Variants in SCLT1 observed in about 807,000 individuals in gnomAD.
SCLT1 encodes sodium channel-associated protein 1.
In SCLT1, 78 loss-of-function variants were observed where a neutral mutation model predicts 112.8. That is an observed-to-expected ratio of 0.69 (90% CI 0.58 to 0.83). The LOEUF (loss-of-function observed/expected upper bound fraction) is 0.83. Among genes scored for constraint, SCLT1 ranks in the 40% least tolerant of loss-of-function variants. The probability of loss-of-function intolerance (pLI) is 0.00; values close to 1 mark genes in which losing one functional copy is unlikely to be tolerated. For synonymous variants in SCLT1, 257 were observed against 254.7 expected (o/e 1.01, Z -0.09); for missense variants, 747 against 770.4 (o/e 0.97, Z 0.36).
At chr4:128,873,517 T>A (rs1732362794) in intron 5 of SCLT1, 1 of 152,588 alleles carries the variant, frequency 6.6e-6, no homozygotes, top group African/African-American at 2.4e-5. Context: ...AATAATAAAT[T>A]TAGCATTAAA....
At chr4:129,049,626 TAA>T (rs56961720) in intron 2 of SCLT1, among the ~76,000 whole-genome samples, 4 of 135,714 alleles carry the variant, frequency 2.9e-5, no homozygotes, top group African/African-American at 8.2e-5. Context: ...ACTTAAAGTA[TAA>T]AAAAAAAAAA....
chr4:128,895,517 C>T (rs1733672236), intron 18 of SCLT1, among the ~76,000 whole-genome samples: 2 of 152,170 alleles, frequency 1.3e-5, no homozygotes, highest in Non-Finnish European at 2.9e-5. Context: ...TTTCCCATTA[C>T]AATTCTGCCC....
chr4:129,092,318 C>T (rs1005153334), intron 1 of SCLT1, among the ~76,000 whole-genome samples: 1 of 152,172 alleles, frequency 6.6e-6, no homozygotes, highest in Non-Finnish European at 1.5e-5. Flanking sequence ...TATTGCAAGT[C>T]TTTAACAAAG....
intron 8 of SCLT1, among the ~76,000 whole-genome samples, chr4:128,994,156 G>A (rs1324888506): frequency 1.3e-5 from 2 of 152,006 alleles, no homozygotes; most frequent in Admixed American, 1.3e-4. Context: ...GAAACTTCAT[G>A]TGTGTTGATT....
chr4:128,983,083 T>C (rs1741801834), intron 9 of SCLT1, among the ~76,000 whole-genome samples: 1 of 151,882 alleles, frequency 6.6e-6, no homozygotes, highest in Admixed American at 6.6e-5. Context: ...AGATGGGGTT[T>C]CTCCATGTTG....
chr4:128,962,646 C>T (rs756943012), intron 11 of SCLT1, among the ~76,000 whole-genome samples: 3 of 152,030 alleles, frequency 2.0e-5, no homozygotes, highest in Admixed American at 6.6e-5. Flanking sequence ...ACATAAGACC[C>T]ACCTCCATCC....
intron 17 of SCLT1, among the ~76,000 whole-genome samples, chr4:128,939,294 T>C (rs1242528786): frequency 1.3e-5 from 2 of 152,212 alleles, no homozygotes; most frequent in Non-Finnish European, 2.9e-5. Flanking sequence ...TTTCAACTTT[T>C]GGAACACAGT....
chr4:129,077,269 A>G (rs1751546962), intron 2 of SCLT1, among the ~76,000 whole-genome samples: 1 of 152,332 alleles, frequency 6.6e-6, no homozygotes, highest in East Asian at 1.9e-4. Flanking sequence ...CTTAAAATAC[A>G]AGAAATAAAT....
chr4:128,918,189 T>C (rs368552482), intron 18 of SCLT1, among the ~76,000 whole-genome samples: 39 of 152,158 alleles, frequency 2.6e-4, no homozygotes, highest in African/African-American at 8.7e-4. Flanking sequence ...AATAAATAGA[T>C]AGAGAAACCA....
intron 1 of SCLT1, among the ~76,000 whole-genome samples, chr4:129,091,947 C>G (rs747063639): frequency 1.3e-5 from 2 of 152,168 alleles, no homozygotes; most frequent in Admixed American, 1.3e-4. Flanking sequence ...TTCCTAACTT[C>G]CCCGTTGCTC....
chr4:128,970,285 A>C, intron 10 of SCLT1, 93 bp downstream of exon 10: 1 of 717,162 alleles, frequency 1.4e-6, no homozygotes, highest in East Asian at 2.6e-5. Context: ...TCATCTTCTG[A>C]CAACCCTCTT....
chr4:128,970,548 G>T, intron 9 of SCLT1, 80 bp from the exon 10 acceptor site: 1 of 787,058 alleles, frequency 1.3e-6, no homozygotes, highest in Non-Finnish European at 2.1e-6. Flanking sequence ...TCTGAATTTG[G>T]TAAAATCAGT....
intron 2 of SCLT1, among the ~76,000 whole-genome samples, chr4:129,065,704 T>C (rs542773590): frequency 5.9e-5 from 9 of 152,234 alleles, no homozygotes; most frequent in African/African-American, 2.2e-4. Flanking sequence ...TAATGTAATT[T>C]ATTGTAATCA....
intron 5 of SCLT1, among the ~76,000 whole-genome samples, chr4:129,009,743 C>T (rs1579685328): frequency 6.6e-6 from 1 of 152,172 alleles, no homozygotes; most frequent in South Asian, 2.1e-4. Context: ...TGGTTATTGG[C>T]CACATGTATG....
chr4:129,003,675 T>C (rs1048997697), intron 6 of SCLT1, 66 bp downstream of exon 6: 2 of 1,215,850 alleles, frequency 1.6e-6, no homozygotes, highest in African/African-American at 1.5e-5. Flanking sequence ...TAAATAATGA[T>C]TAACATGAAT....
chr4:128,906,224 G>C (rs1028058351), intron 18 of SCLT1, among the ~76,000 whole-genome samples: 1 of 152,082 alleles, frequency 6.6e-6, no homozygotes, highest in Admixed American at 6.5e-5. Context: ...TTGAAACAGA[G>C]TCTCGCTCTG....
Position 129,047,913 on chromosome 4 carries a change from A to G in SCLT1, c.103-3862T>C, listed in dbSNP as rs58051833. On this transcript the variant is annotated intron_variant, in intron 2 of 20. Coordinates refer to ENST00000281142, the MANE Select transcript of SCLT1 (RefSeq NM_144643.4). The stretch of plus-strand genomic sequence containing the variant: ...CTTGTCAGATAAATAGTTTTCAAAT[A>G]CTCTCTCCCATTTTGCCAGATTCCT... 4.8e-3 allele frequency among the ~76,000 whole-genome samples: 732 copies of G among 151,826 alleles called. 4 individuals are homozygous for G. Among genetic ancestry groups the G allele is most frequent in the African/African-American group, 0.016 (665 of 41,416 alleles).
chr4:128,898,955 C>T (rs573308655), intron 18 of SCLT1, among the ~76,000 whole-genome samples: 1 of 152,148 alleles, frequency 6.6e-6, no homozygotes, highest in African/African-American at 2.4e-5. Context: ...ACACATACAC[C>T]CTCTGAAGAC....
intron 5 of SCLT1, among the ~76,000 whole-genome samples, chr4:129,033,505 A>T (rs1746926773): frequency 3.0e-5 from 4 of 132,444 alleles, no homozygotes; most frequent in African/African-American, 1.4e-4. Flanking sequence ...CTTAAAGTAA[A>T]AAAAAAAAAA....
Sources: gnomAD v4.1 joint callset for allele counts (sites outside exome capture counted in the v4.1 genomes callset) on GRCh38, gnomAD v4.1.1 for gene constraint, MANE v1.5 for transcripts, NCBI Gene and HGNC (gene_info 2026-07-23, HGNC 2026-07-21) for gene names.